Variants in PADI1 observed in about 807,000 individuals in gnomAD.
The protein encoded by PADI1 is peptidyl arginine deiminase 1.
A neutral mutation model predicts 74.8 loss-of-function variants in PADI1; 65 were observed. The ratio of observed to expected loss-of-function variants is 0.87; its 90% confidence interval spans 0.71 to 1.07. PADI1 has a LOEUF of 1.07. Ranked by LOEUF, PADI1 falls within the 50% of genes least tolerant of loss-of-function variation. PADI1 has a pLI of 0.00. For synonymous variants in PADI1, 371 were observed against 336.2 expected, an observed-to-expected ratio of 1.10 and a Z score of -1.13; for missense variants, 943 against 854.0, an observed-to-expected ratio of 1.10 and a Z score of -1.30.
Position 17,222,346 on chromosome 1 carries a change from T to C in PADI1, c.149T>C (p.Val50Ala). The change falls in exon 2 of 16, where the codon GTC becomes GCC. Residue 50 changes from valine to alanine, a missense_variant. Physicochemically the swap from Val to Ala is moderately conservative, Grantham distance 64. Coordinates refer to ENST00000375471, the MANE Select transcript of PADI1 (RefSeq NM_013358.3). ...FRVSGSSGVE[V>A]FMVYNRTRVK... The stretch of plus-strand genomic sequence containing the variant: ...GTCTCTGGAAGCTCCGGGGTGGAGG[T>C]CTTCATGGTCTACAACCGCACACGT... 1 of 1,613,792 alleles carries C rather than the reference T, an allele frequency of 6.2e-7. No homozygotes were observed.
At chr1:17,240,783 C>T (rs1396182783) in intron 15 of PADI1, 23 bp downstream of exon 15, 10 of 1,610,940 alleles carry the variant, frequency 6.2e-6, no homozygotes, top group Non-Finnish European at 8.5e-6. Flanking sequence ...GTGCAGGGTC[C>T]TGCTGGGGGG....
chr1:17,242,566 GC>G (rs1382184276), intron 15 of PADI1, among the ~76,000 whole-genome samples: 2 of 152,206 alleles, frequency 1.3e-5, no homozygotes, highest in Non-Finnish European at 2.9e-5. Context: ...TCTGCCGGAA[GC>G]CCCTGACTGT....
At chr1:17,229,379 A>G (rs1445774641) in intron 8 of PADI1, among the ~76,000 whole-genome samples, 1 of 152,346 alleles carries the variant, frequency 6.6e-6, no homozygotes, top group East Asian at 1.9e-4. Context: ...GCTGGTGGCC[A>G]TCGGAGACCT....
In PADI1 at chr1:17,228,728, G is replaced by T. The variant is rs938766371; in HGVS notation, c.756G>T (p.Glu252Asp). 1 of 1,614,214 alleles carries T rather than the reference G, an allele frequency of 6.2e-7. No homozygotes were observed. The highest frequency in any genetic ancestry group is 8.5e-7 in the Non-Finnish European group (1 of 1,180,030). Reference sequence around the variant, plus strand: ...AGCAGGAGATCAAGTTCTATGTGGAGGGGCTGACCTTCCCCGATGCCGATT... The same window carrying T: ...AGCAGGAGATCAAGTTCTATGTGGATGGGCTGACCTTCCCCGATGCCGATT... ...PGEQEIKFYV[E>D]GLTFPDADFL... is the part of the protein sequence containing the mutation. Residue 252 changes from glutamate (E) to aspartate (D), a missense_variant, in exon 7 of 16, where the codon GAG (glutamate) becomes GAT (aspartate). Transcript: ENST00000375471.
At chr1:17,219,423 G>A (rs938413502) in intron 1 of PADI1, among the ~76,000 whole-genome samples, 11 of 152,164 alleles carry the variant, frequency 7.2e-5, no homozygotes, top group Non-Finnish European at 1.3e-4. Flanking sequence ...CGGTGTCCGA[G>A]TGGGTTGCTA....
chr1:17,223,671 C>A lies in PADI1; in HGVS notation c.324C>A (p.Ser108Arg), dbSNP rs367957613. Reference sequence around the variant, plus strand: ...AGGAAGACCAAGCTCTGGGCCGCAGCGTGCTTTACCTCACTGGCGTCGGTA... The same window carrying A: ...AGGAAGACCAAGCTCTGGGCCGCAGAGTGCTTTACCTCACTGGCGTCGGTA... ...GEQEDQALGR[S>R]VLYLTGVDIS... Residue 108 changes from serine (S) to arginine (R), a missense_variant, in exon 3 of 16, where the codon AGC (serine) becomes AGA (arginine). Ser to Arg is a moderately radical substitution (Grantham distance 110). Transcript: ENST00000375471. The A allele has an allele frequency of 2.5e-6, 4 of 1,613,970 alleles. No individual in the cohort carries two copies. Among genetic ancestry groups the A allele is most frequent in the Non-Finnish European group, 3.4e-6 (4 of 1,179,964 alleles).
intron 11 of PADI1, among the ~76,000 whole-genome samples, chr1:17,234,268 C>T (rs916485461): frequency 6.6e-6 from 1 of 152,192 alleles, no homozygotes; most frequent in African/African-American, 2.4e-5. Flanking sequence ...CATCAGTGAA[C>T]AAAACAGATG....
At chr1:17,219,478 T>C (rs1236935731) in intron 1 of PADI1, among the ~76,000 whole-genome samples, 16 of 152,060 alleles carry the variant, frequency 1.1e-4, no homozygotes, top group Admixed American at 1.0e-3. Context: ...AATAACATTC[T>C]ATAGCACCTG....
At chr1:17,228,322 T>C (rs950186765) in intron 6 of PADI1, among the ~76,000 whole-genome samples, 15 of 152,386 alleles carry the variant, frequency 9.8e-5, no homozygotes, top group Admixed American at 7.8e-4. Context: ...CTTATGAATA[T>C]ATTACATTTT....
At chr1:17,233,184 C>A (rs774992464) in intron 11 of PADI1, among the ~76,000 whole-genome samples, 1 of 152,244 alleles carries the variant, frequency 6.6e-6, no homozygotes, top group Non-Finnish European at 1.5e-5. Flanking sequence ...GGCCTGCGAT[C>A]TTTTGGCCTA....
intron 1 of PADI1, among the ~76,000 whole-genome samples, chr1:17,212,167 G>A (rs1363326847): frequency 1.3e-5 from 2 of 152,172 alleles, no homozygotes; most frequent in African/African-American, 4.8e-5. Context: ...AATCACCCAC[G>A]GAGCTGGTCA....
rs182928307 is a variant in PADI1, at chr1:17,213,695, C to T, written c.92+8386C>T. Reference sequence around the variant, plus strand: ...AAAAGCTAAGCACGTGCCTGGCACACGGCAGGTGCTTGAAAATGCAGGCTC... The same window carrying T: ...AAAAGCTAAGCACGTGCCTGGCACATGGCAGGTGCTTGAAAATGCAGGCTC... On this transcript the variant is annotated intron_variant, in intron 1 of 15. Transcript: ENST00000375471. Among the ~76,000 whole-genome samples, 793 of 152,276 alleles carry T rather than the reference C, an allele frequency of 5.2e-3. 15 individuals carry two copies. Among genetic ancestry groups the T allele is most frequent in the Admixed American group, 0.018 (280 of 15,290 alleles).
At chr1:17,233,667 T>A (rs1330085034) in intron 11 of PADI1, among the ~76,000 whole-genome samples, 1 of 152,246 alleles carries the variant, frequency 6.6e-6, no homozygotes, top group Non-Finnish European at 1.5e-5. Flanking sequence ...TCCCTGGAGA[T>A]GACACCCACT....
At position 17,244,405 on chromosome 1, in the gene PADI1, AC is replaced by A; in HGVS notation, c.*165del. On this transcript the variant is annotated 3_prime_UTR_variant, in exon 16 of 16. Transcript: ENST00000375471. ...CAGGACACAGGGATGGATACCACCTACCCTCGCCTCTGGAATGGCCTACCCA... is the reference window on the plus strand; with the variant it reads ...CAGGACACAGGGATGGATACCACCTACCTCGCCTCTGGAATGGCCTACCCA... 2 of 700,588 alleles carry A rather than the reference AC, an allele frequency of 2.9e-6. No individual in the cohort carries two copies. The highest frequency in any genetic ancestry group is 2.6e-6 in the Non-Finnish European group (1 of 384,306). The allele number at this position is 700,588 out of a possible 1,614,324, so 43.4% of individuals were successfully genotyped here. A position where few individuals can be genotyped will look rare whatever the true frequency, so the allele number is the denominator to read the frequency against.
chr1:17,238,521 A>G (rs1569848187), intron 12 of PADI1, 95 bp from the exon 13 acceptor site: 1 of 534,922 alleles, frequency 1.9e-6, no homozygotes, highest in Non-Finnish European at 3.1e-6. Context: ...GGGGAGTCCC[A>G]AGAACTGTCA....
chr1:17,214,070 T>G (rs1398402948), intron 1 of PADI1, among the ~76,000 whole-genome samples: 1 of 152,218 alleles, frequency 6.6e-6, no homozygotes, highest in Admixed American at 6.5e-5. Flanking sequence ...ATAAGGTTTC[T>G]GGCTGGAGTG....
At chr1:17,231,849 C>T (rs866509304) in intron 10 of PADI1, among the ~76,000 whole-genome samples, 2 of 151,988 alleles carry the variant, frequency 1.3e-5, no homozygotes, top group African/African-American at 2.4e-5. Flanking sequence ...CCCATTAACT[C>T]GGCATTTACA....
intron 4 of PADI1, 69 bp from the exon 5 acceptor site, chr1:17,225,742 C>A: frequency 1.9e-6 from 2 of 1,029,512 alleles, no homozygotes; most frequent in Non-Finnish European, 3.0e-6. Flanking sequence ...CCCGCCCTGG[C>A]CATGTCTAGA....
chr1:17,213,416 A>G (rs546967940), intron 1 of PADI1, among the ~76,000 whole-genome samples: 24 of 152,222 alleles, frequency 1.6e-4, no homozygotes, highest in Admixed American at 1.3e-3. Context: ...GTCCTATAAA[A>G]TCCCCAGCAA....
Sources: gnomAD v4.1 joint callset for allele counts (sites outside exome capture counted in the v4.1 genomes callset) on GRCh38, gnomAD v4.1.1 for gene constraint, MANE v1.5 for transcripts, NCBI Gene and HGNC (gene_info 2026-07-23, HGNC 2026-07-21) for gene names.